Variants in ZSWIM6 observed in about 807,000 individuals in gnomAD.
ZSWIM6 encodes the protein zinc finger SWIM domain-containing protein 6.
Under a neutral mutation model 113.2 loss-of-function variants are expected in ZSWIM6, and 9 were observed. The ratio of observed to expected loss-of-function variants is 0.08; its 90% CI spans 0.05 to 0.14. The LOEUF is 0.14. Among genes scored for constraint, ZSWIM6 ranks in the 10% least tolerant of loss-of-function variants. The pLI is 1.00. For synonymous variants in ZSWIM6, 611 were observed against 606.5 expected (o/e 1.01, Z -0.11); for missense variants, 1,162 against 1,552.2 (o/e 0.75, Z 4.22).
intron 1 of ZSWIM6, among the ~76,000 whole-genome samples, chr5:61,353,939 C>A (rs1438988550): frequency 6.6e-6 from 1 of 152,174 alleles, no homozygotes; most frequent in Non-Finnish European, 1.5e-5. Flanking sequence ...GTGTTGGCAG[C>A]CCTGTAGATA....
intron 4 of ZSWIM6, among the ~76,000 whole-genome samples, chr5:61,509,603 T>C (rs1410330028): frequency 1.3e-5 from 2 of 152,162 alleles, no homozygotes; most frequent in African/African-American, 4.8e-5. Flanking sequence ...CTCAGACCTT[T>C]AAATCACTCT....
At chr5:61,481,042 A>G (rs1258156562) in intron 2 of ZSWIM6, among the ~76,000 whole-genome samples, 2 of 152,200 alleles carry the variant, frequency 1.3e-5, no homozygotes, top group Non-Finnish European at 2.9e-5. Context: ...ACACTGCTAC[A>G]TAAATATAAA....
chr5:61,381,468 C>G (rs1267694882), intron 1 of ZSWIM6, among the ~76,000 whole-genome samples: 2 of 152,010 alleles, frequency 1.3e-5, no homozygotes, highest in African/African-American at 4.8e-5. Flanking sequence ...CTTTATGACT[C>G]TATTGAATTT....
intron 1 of ZSWIM6, chr5:61,391,773 A>C (rs1322101493): frequency 5.9e-6 from 6 of 1,010,822 alleles, no homozygotes; most frequent in African/African-American, 3.2e-5. Flanking sequence ...GGTCATCCTT[A>C]GGAAAGCTCT....
At chr5:61,439,689 A>G (rs566717782) in intron 1 of ZSWIM6, among the ~76,000 whole-genome samples, 27 of 152,288 alleles carry the variant, frequency 1.8e-4, no homozygotes, top group Admixed American at 7.2e-4. Context: ...AATGATGCTA[A>G]GAGTGTTCTT....
At chr5:61,383,536 C>CT (rs1481879293) in intron 1 of ZSWIM6, among the ~76,000 whole-genome samples, 2 of 151,956 alleles carry the variant, frequency 1.3e-5, no homozygotes, top group Non-Finnish European at 2.9e-5. Flanking sequence ...TGTAGAAGAA[C>CT]TTTCTCTTTT....
rs879229586 is a variant in ZSWIM6 at position 61,332,999 on chromosome 5, T to C, written c.676+51T>C. ...GTCTGTCCGTCCGTCAGTCCCTGGG[T>C]GGGGGGGGGGTGCCCGCCTTTCTCC... On this transcript the variant is annotated intron_variant, in intron 1 of 13. Coordinates refer to ENST00000252744, the MANE Select transcript of ZSWIM6 (RefSeq NM_020928.2). The C allele has an allele frequency of 6.4e-6, 4 of 624,686 alleles. No individual in the cohort carries two copies. The South Asian group carries it at 1.7e-4, about 26-fold the overall frequency. 38.7% of individuals were successfully genotyped at this position (624,686 alleles called of 1,614,324 possible). A position where few individuals can be genotyped will look rare whatever the true frequency, so the allele number is the denominator to read the frequency against.
intron 1 of ZSWIM6, among the ~76,000 whole-genome samples, chr5:61,348,710 A>G (rs917817563): frequency 6.6e-6 from 1 of 151,982 alleles, no homozygotes; most frequent in Non-Finnish European, 1.5e-5. Context: ...TTTGAACCCA[A>G]CTCTTTCAGG....
intron 1 of ZSWIM6, among the ~76,000 whole-genome samples, chr5:61,389,248 T>A (rs1263758867): frequency 6.6e-6 from 1 of 152,112 alleles, no homozygotes; most frequent in Non-Finnish European, 1.5e-5. Context: ...TGTACTTTTC[T>A]TGATGCTTTA....
intron 1 of ZSWIM6, among the ~76,000 whole-genome samples, chr5:61,427,918 T>A (rs1316220080): frequency 6.6e-6 from 1 of 152,318 alleles, no homozygotes; most frequent in African/African-American, 2.4e-5. Flanking sequence ...ATATTTAACA[T>A]GATTTTTTTT....
At chr5:61,500,478 C>G (rs543354829) in intron 4 of ZSWIM6, among the ~76,000 whole-genome samples, 1 of 152,062 alleles carries the variant, frequency 6.6e-6, no homozygotes, top group Non-Finnish European at 1.5e-5. Context: ...TCTCTCTACT[C>G]GGAGCAGAGC....
intron 2 of ZSWIM6, among the ~76,000 whole-genome samples, chr5:61,487,710 T>C: frequency 6.6e-6 from 1 of 152,108 alleles, no homozygotes; most frequent in East Asian, 1.9e-4. Context: ...GAAACACTAC[T>C]TTTTGTATGT....
intron 1 of ZSWIM6, among the ~76,000 whole-genome samples, chr5:61,376,224 T>C (rs1745371921): frequency 1.5e-5 from 1 of 67,396 alleles, no homozygotes; most frequent in South Asian, 7.5e-4. Context: ...CAGATGACTC[T>C]AGTTAGAATT....
At chr5:61,375,127 A>G in intron 1 of ZSWIM6, 1 of 1,610,800 alleles carries the variant, frequency 6.2e-7, no homozygotes, top group Non-Finnish European at 8.5e-7. Context: ...GAAGCGGGAC[A>G]ATCGGGTGGC....
At chr5:61,396,349 T>C (rs948465824) in intron 1 of ZSWIM6, among the ~76,000 whole-genome samples, 4 of 152,018 alleles carry the variant, frequency 2.6e-5, no homozygotes, top group African/African-American at 9.7e-5. Context: ...CTGGCCAACA[T>C]GGTGAAACCC....
intron 1 of ZSWIM6, among the ~76,000 whole-genome samples, chr5:61,368,899 T>A (rs1299515271): frequency 2.0e-5 from 3 of 152,202 alleles, no homozygotes; most frequent in African/African-American, 7.2e-5. Flanking sequence ...CACTTAAGCT[T>A]ACCACTTACC....
At chr5:61,433,473 T>TTG (rs1420784428) in intron 1 of ZSWIM6, among the ~76,000 whole-genome samples, 1 of 131,996 alleles carries the variant, frequency 7.6e-6, no homozygotes, top group African/African-American at 2.9e-5. Flanking sequence ...ATAGACTTAG[T>TTG]TGTTTTTTTT....
At chr5:61,453,333 C>G (rs1395271895) in intron 1 of ZSWIM6, among the ~76,000 whole-genome samples, 1 of 149,868 alleles carries the variant, frequency 6.7e-6, no homozygotes. Context: ...ACAATTATCA[C>G]TTTTGTGTTT....
intron 1 of ZSWIM6, chr5:61,347,106 T>C (rs1358077473): frequency 6.5e-6 from 1 of 153,482 alleles, no homozygotes; most frequent in African/African-American, 2.4e-5. Context: ...GGTATGAATT[T>C]GTTTCAGTAG....
Sources: gnomAD v4.1 joint callset for allele counts (sites outside exome capture counted in the v4.1 genomes callset) on GRCh38, gnomAD v4.1.1 for gene constraint, MANE v1.5 for transcripts, NCBI Gene and HGNC (gene_info 2026-07-23, HGNC 2026-07-21) for gene names.